Variants in SORCS1 observed in about 807,000 individuals in gnomAD.
SORCS1 encodes the protein sortilin related VPS10 domain containing receptor 1, also known as VPS10 domain-containing receptor SorCS1.
A neutral mutation model predicts 146.1 loss-of-function variants in SORCS1; 60 were observed. The ratio of observed to expected loss-of-function variants is 0.41; its 90% confidence interval spans 0.33 to 0.51. The LOEUF (loss-of-function observed/expected upper bound fraction) is 0.51, where lower values mean the gene tolerates loss of function less well. Ranked by LOEUF, SORCS1 falls within the 20% of genes least tolerant of loss-of-function variation. SORCS1 has a pLI of 0.21. For missense variants in SORCS1, 1,352 were observed against 1,487.6 expected (o/e 0.91, Z 1.50); for synonymous variants, 637 against 584.0 (o/e 1.09, Z -1.31).
intron 1 of SORCS1, among the ~76,000 whole-genome samples, chr10:106,977,832 C>T (rs1956096023): frequency 6.6e-6 from 1 of 152,126 alleles, no homozygotes. Context: ...TTTGTTTAGT[C>T]CAAATCATAA....
At chr10:106,907,828 G>A (rs1471448875) in intron 2 of SORCS1, among the ~76,000 whole-genome samples, 1 of 151,720 alleles carries the variant, frequency 6.6e-6, no homozygotes, top group African/African-American at 2.4e-5. Context: ...TTGGGAGGCT[G>A]AGGCAGGAGA....
intron 1 of SORCS1, among the ~76,000 whole-genome samples, chr10:107,132,748 T>C (rs1966955363): frequency 6.6e-6 from 1 of 152,260 alleles, no homozygotes; most frequent in African/African-American, 2.4e-5. Context: ...TATTGTCTGT[T>C]TGTTAAAGCA....
rs115910679 is a variant in SORCS1 at position 106,682,379 on chromosome 10, C to A, written c.1561-2645G>T. On this transcript the variant is annotated intron_variant, in intron 10 of 25. Coordinates refer to ENST00000263054, the MANE Select transcript of SORCS1 (RefSeq NM_052918.5). ...ATTTGTAGTACTGGATTGCCCCCAG[C>A]TGGTATAAGGAAAATATTCTGTGGC... Among the ~76,000 whole-genome samples, 264 of 152,198 alleles carry A rather than the reference C, an allele frequency of 1.7e-3. 2 individuals are homozygous for A. Among genetic ancestry groups the A allele is most frequent in the African/African-American group, 6.1e-3 (255 of 41,526 alleles).
chr10:106,766,667 T>G (rs1335239523), intron 4 of SORCS1, among the ~76,000 whole-genome samples: 3 of 152,120 alleles, frequency 2.0e-5, no homozygotes, highest in African/African-American at 7.2e-5. Flanking sequence ...AGAGAGCAGA[T>G]AGTGAAAGAG....
intron 1 of SORCS1, among the ~76,000 whole-genome samples, chr10:107,053,616 T>C (rs1214188846): frequency 2.0e-5 from 3 of 152,140 alleles, no homozygotes; most frequent in Non-Finnish European, 4.4e-5. Context: ...CACATATGGA[T>C]AGCAATACAA....
chr10:107,160,596 A>C (rs1251135500), intron 1 of SORCS1, among the ~76,000 whole-genome samples: 1 of 152,232 alleles, frequency 6.6e-6, no homozygotes, highest in East Asian at 1.9e-4. Flanking sequence ...GTAACATTAA[A>C]GATGTCATCA....
At chr10:106,652,973 G>T (rs1345643756) in intron 17 of SORCS1, among the ~76,000 whole-genome samples, 4 of 152,080 alleles carry the variant, frequency 2.6e-5, no homozygotes, top group Non-Finnish European at 5.9e-5. Flanking sequence ...ACAATTCAGA[G>T]AAAAAATAGA....
At chr10:107,110,202 T>C (rs1215064098) in intron 1 of SORCS1, among the ~76,000 whole-genome samples, 4 of 152,194 alleles carry the variant, frequency 2.6e-5, no homozygotes, top group Non-Finnish European at 4.4e-5. Context: ...CAACCTCTGC[T>C]AGTTACCCAG....
chr10:107,026,526 G>A (rs1164157499), intron 1 of SORCS1, among the ~76,000 whole-genome samples: 3 of 152,074 alleles, frequency 2.0e-5, no homozygotes, highest in South Asian at 2.1e-4. Flanking sequence ...GCTGAGGCAG[G>A]AGAATGGCGT....
chr10:106,607,520 C>T (rs1028148103), intron 22 of SORCS1, among the ~76,000 whole-genome samples: 13 of 152,176 alleles, frequency 8.5e-5, no homozygotes, highest in Non-Finnish European at 1.2e-4. Context: ...GCTTCAACAC[C>T]GTGAGACCTT....
At chr10:106,939,501 C>A (rs1388454739) in intron 2 of SORCS1, among the ~76,000 whole-genome samples, 1 of 152,190 alleles carries the variant, frequency 6.6e-6, no homozygotes, top group Admixed American at 6.5e-5. Flanking sequence ...GAAGTGATGG[C>A]AGAAATAAAT....
rs1324988072 is a variant in SORCS1, at chr10:106,947,530, C to T, written c.626+8983G>A. ...AGCATGCTACTAAATCTTTCTAAGT[C>T]TTACTTCTCTCATCTAGAAACTGGA... On this transcript the variant is annotated intron_variant, in intron 2 of 25. Coordinates refer to ENST00000263054, the MANE Select transcript of SORCS1 (RefSeq NM_052918.5). 2.0e-5 allele frequency among the ~76,000 whole-genome samples: 3 copies of T among 152,156 alleles called. No homozygotes were observed. The East Asian group carries it at 5.8e-4, about 29-fold the overall frequency.
chr10:107,145,702 A>G (rs1211307288), intron 1 of SORCS1, among the ~76,000 whole-genome samples: 1 of 152,222 alleles, frequency 6.6e-6, no homozygotes, highest in Non-Finnish European at 1.5e-5. Flanking sequence ...TTTTGTTCCA[A>G]TTGAATTCAG....
chr10:106,709,427 T>G, intron 6 of SORCS1, 86 bp from the exon 7 acceptor site: 1 of 661,710 alleles, frequency 1.5e-6, no homozygotes, highest in South Asian at 1.8e-5. Context: ...GTTTGATATT[T>G]CCCTTACCAT....
intron 2 of SORCS1, among the ~76,000 whole-genome samples, chr10:106,921,815 C>A (rs781371080): frequency 1.3e-4 from 20 of 152,332 alleles, no homozygotes; most frequent in Non-Finnish European, 2.2e-4. Context: ...TATCCTCCAA[C>A]TATTACAAAT....
chr10:106,790,034 G>A (rs931378607), intron 3 of SORCS1, among the ~76,000 whole-genome samples: 26 of 152,266 alleles, frequency 1.7e-4, no homozygotes, highest in East Asian at 5.8e-4. Context: ...AGTTAGGGTC[G>A]GGTGGGGACC....
chr10:106,850,788 G>T (rs920747955), intron 2 of SORCS1, among the ~76,000 whole-genome samples: 2 of 152,164 alleles, frequency 1.3e-5, no homozygotes, highest in African/African-American at 4.8e-5. Context: ...CATGGGAATA[G>T]ATTTCAAATC....
At chr10:107,082,243 G>A (rs1162135416) in intron 1 of SORCS1, among the ~76,000 whole-genome samples, 2 of 152,294 alleles carry the variant, frequency 1.3e-5, no homozygotes, top group South Asian at 2.1e-4. Context: ...GCTCTGAGGT[G>A]AAAATGAAAT....
chr10:106,858,233 T>G (rs1423236590), intron 2 of SORCS1, among the ~76,000 whole-genome samples: 1 of 152,222 alleles, frequency 6.6e-6, no homozygotes, highest in East Asian at 1.9e-4. Context: ...TTCTCATCTA[T>G]CTAGCAGTCT....
Sources: gnomAD v4.1 joint callset for allele counts (sites outside exome capture counted in the v4.1 genomes callset) on GRCh38, gnomAD v4.1.1 for gene constraint, MANE v1.5 for transcripts, NCBI Gene and HGNC (gene_info 2026-07-23, HGNC 2026-07-21) for gene names.